The following MYO7A variants were observed in gnomAD, a reference collection of about 807,000 sequenced individuals.
MYO7A encodes the protein unconventional myosin-VIIa.
In MYO7A, 210 loss-of-function variants were observed where a neutral mutation model predicts 263.8. That is an observed-to-expected ratio of 0.80 (90% CI 0.71 to 0.89). The LOEUF is 0.89. Ranked by LOEUF, MYO7A falls within the 40% of genes least tolerant of loss-of-function variation. The pLI is 0.00. For missense variants in MYO7A, 2,820 were observed against 2,968.3 expected (o/e 0.95, Z 1.16); for synonymous variants, 1,239 against 1,197.3 (o/e 1.03, Z -0.72).
At chr11:77,141,547 G>C (rs1951211288) in intron 2 of MYO7A, among the ~76,000 whole-genome samples, 3 of 152,130 alleles carry the variant, frequency 2.0e-5, no homozygotes, top group Admixed American at 6.5e-5. Context: ...CTTTTATTAG[G>C]ATTAGAATAA....
intron 5 of MYO7A, 45 bp from the exon 6 acceptor site, chr11:77,156,615 G>A: frequency 6.2e-7 from 1 of 1,606,960 alleles, no homozygotes; most frequent in Non-Finnish European, 8.5e-7. Context: ...TTGGTGGGGA[G>A]TCCCTGTGGG....
At chr11:77,209,864 C>T (rs569857454) in intron 44 of MYO7A, among the ~76,000 whole-genome samples, 5 of 152,316 alleles carry the variant, frequency 3.3e-5, no homozygotes, top group African/African-American at 4.8e-5. Context: ...GCATAACCCC[C>T]GTCCTGGCCG....
intron 44 of MYO7A, among the ~76,000 whole-genome samples, chr11:77,210,399 A>G (rs1324486484): frequency 6.6e-6 from 1 of 152,030 alleles, no homozygotes; most frequent in East Asian, 1.9e-4. Flanking sequence ...TAGGTAGGTG[A>G]GTGGGTGGAT....
intron 34 of MYO7A, 35 bp downstream of exon 34, chr11:77,198,656 A>C: frequency 3.1e-6 from 5 of 1,612,198 alleles, no homozygotes; most frequent in Non-Finnish European, 4.2e-6. Flanking sequence ...AGACAGACAG[A>C]GGGGAAGGAG....
intron 18 of MYO7A, among the ~76,000 whole-genome samples, chr11:77,175,708 CA>C (rs1954595025): frequency 1.3e-5 from 2 of 152,218 alleles, no homozygotes; most frequent in Non-Finnish European, 2.9e-5. Flanking sequence ...AAGCACATGC[CA>C]GGGGCGGGCT....
chr11:77,135,314 C>G (rs1950877190), intron 2 of MYO7A, among the ~76,000 whole-genome samples: 1 of 152,188 alleles, frequency 6.6e-6, no homozygotes, highest in Admixed American at 6.5e-5. Context: ...GAATCATACA[C>G]TATTTGTCTT....
At chr11:77,194,806 G>A (rs963383701) in intron 32 of MYO7A, among the ~76,000 whole-genome samples, 3 of 152,324 alleles carry the variant, frequency 2.0e-5, no homozygotes, top group East Asian at 1.9e-4. Context: ...AGCTTCCAGA[G>A]CTGCAGCTCA....
intron 1 of MYO7A, among the ~76,000 whole-genome samples, chr11:77,129,061 G>A (rs1950688830): frequency 6.6e-6 from 1 of 152,214 alleles, no homozygotes; most frequent in Admixed American, 6.5e-5. Flanking sequence ...GAAATGAAAT[G>A]TCTGTCTGGT....
Position 77,172,767 on chromosome 11 carries a change from G to A in MYO7A, c.1817G>A (p.Arg606His), listed in dbSNP as rs782311929. ...DVAMGAETRK[R>H]SPTLSSQFKR... ...CCCCAGGGCGCCGAGACCAGGAAGC[G>A]CTCGCCCACACTTAGCAGCCAGTTC... The change falls in exon 16 of 49, where the codon CGC becomes CAC. Residue 606 changes from arginine to histidine, a missense_variant. By Grantham distance (29) the Arg-to-His change is conservative (BLOSUM62 0). Coordinates refer to ENST00000409709, the MANE Select transcript of MYO7A (RefSeq NM_000260.4). 77 of 1,558,530 alleles carry A rather than the reference G, an allele frequency of 4.9e-5. No individual in the cohort carries two copies. Among genetic ancestry groups the A allele is most frequent in the South Asian group, 3.6e-4 (30 of 84,330 alleles).
rs142996141 is a variant in MYO7A at position 77,162,789 on chromosome 11, G to A, written c.1555-64G>A. ...GAAGAGACAGGGGGCAAAGACATGGGCAGGGAGGGGAGTGGGGCCCATGGA... is the reference window on the plus strand; with the variant it reads ...GAAGAGACAGGGGGCAAAGACATGGACAGGGAGGGGAGTGGGGCCCATGGA... On this transcript the variant is annotated intron_variant, in intron 13 of 48. Transcript: ENST00000409709. 1.0e-4 allele frequency: 161 copies of A among 1,577,110 alleles called. No individual in the cohort carries two copies. The African/African-American group carries it at 2.0e-3, about 19-fold the overall frequency.
rs1958051503 is a variant in MYO7A at position 77,214,755 on chromosome 11, C to T, written c.*59C>T. ...TCTCGAGGCAGCAGTGGGTTCAGGCCCATCAGCTACCCCTGCAGCTGGGGA... is the reference window on the plus strand; with the variant it reads ...TCTCGAGGCAGCAGTGGGTTCAGGCTCATCAGCTACCCCTGCAGCTGGGGA... On this transcript the variant is annotated 3_prime_UTR_variant, in exon 49 of 49. Transcript: ENST00000409709. The T allele has an allele frequency of 7.5e-7, 1 of 1,341,876 alleles. No individual in the cohort carries two copies. The highest frequency in any genetic ancestry group is 1.0e-6 in the Non-Finnish European group (1 of 961,462). The allele number at this position is 1,341,876 out of a possible 1,614,324, so 83.1% of individuals were successfully genotyped here.
At chr11:77,149,832 A>G (rs1951842429) in intron 4 of MYO7A, among the ~76,000 whole-genome samples, 1 of 152,078 alleles carries the variant, frequency 6.6e-6, no homozygotes, top group Non-Finnish European at 1.5e-5. Flanking sequence ...GAGGCAGGGC[A>G]TGGGGGGCTC....
At chr11:77,213,152 C>A in intron 47 of MYO7A, 117 bp downstream of exon 47, 1 of 781,584 alleles carries the variant, frequency 1.3e-6, no homozygotes, top group Non-Finnish European at 2.1e-6. Context: ...ACTCATCCAC[C>A]CATCACGTGG....
At chr11:77,142,538 C>T (rs782013692) in intron 2 of MYO7A, 171 bp from the exon 3 acceptor site, 12 of 687,918 alleles carry the variant, frequency 1.7e-5, no homozygotes, top group South Asian at 1.5e-5. Context: ...AATGCCCAGC[C>T]CAGGGCCTGC....
rs782329400 is a variant in MYO7A at position 77,179,069 on chromosome 11, C to T, written c.2307C>T (p.Asn769=). 47 of 1,608,612 alleles carry T rather than the reference C, an allele frequency of 2.9e-5. No individual in the cohort carries two copies. Among genetic ancestry groups the T allele is most frequent in the East Asian group, 1.1e-4 (5 of 44,782 alleles). ...KDRSNFLKLK[N]AATLIQRHWR... ...GGTCTAACTTTCTGAAGCTGAAGAA[C>T]GCTGCCACACTGATCCAGAGGCACT... The change falls in exon 20 of 49, where the codon AAC becomes AAT. Residue 769 remains asparagine (N), a synonymous_variant. Coordinates refer to ENST00000409709, the MANE Select transcript of MYO7A (RefSeq NM_000260.4).
rs1555065469 is a variant in MYO7A, at chr11:77,158,265, C to G, written c.850-12C>G. The stretch of plus-strand genomic sequence containing the variant: ...GTCCTCTTGCACCCCACTCTCCCAC[C>G]CTGCCCACCAGGGTAACTGCATAAC... On this transcript the variant is annotated splice_polypyrimidine_tract_variant and intron_variant, in intron 8 of 48. Coordinates refer to ENST00000409709, the MANE Select transcript of MYO7A (RefSeq NM_000260.4). The G allele has an allele frequency of 6.3e-7, 1 of 1,584,978 alleles. No homozygotes were observed. Among genetic ancestry groups the G allele is most frequent in the South Asian group, 1.1e-5 (1 of 88,106 alleles).
intron 30 of MYO7A, among the ~76,000 whole-genome samples, chr11:77,191,764 G>C (rs1420239232): frequency 6.6e-6 from 1 of 152,206 alleles, no homozygotes; most frequent in Non-Finnish European, 1.5e-5. Context: ...TTTTCTCACC[G>C]ATGCTCTTAT....
At chr11:77,210,287 C>T (rs12795079) in intron 44 of MYO7A, among the ~76,000 whole-genome samples, 80,352 of 151,638 alleles carry the variant, frequency 0.53, 21,415 homozygotes, top group Middle Eastern at 0.62. Context: ...GTTGGATTGA[C>T]AGATGGGTGA....
intron 47 of MYO7A, 102 bp from the exon 48 acceptor site, chr11:77,213,758 T>C (rs1958005741): frequency 4.5e-6 from 7 of 1,541,914 alleles, no homozygotes; most frequent in Non-Finnish European, 5.3e-6. Context: ...CCTCCGGCCA[T>C]GGGCTCCTCT....
Sources: gnomAD v4.1 joint callset for allele counts (sites outside exome capture counted in the v4.1 genomes callset) on GRCh38, gnomAD v4.1.1 for gene constraint, MANE v1.5 for transcripts, NCBI Gene and HGNC (gene_info 2026-07-23, HGNC 2026-07-21) for gene names.